PTPN14: variants seen among roughly 807,000 people sequenced by gnomAD.
PTPN14 encodes tyrosine-protein phosphatase non-receptor type 14.
PTPN14 carries 53 observed loss-of-function variants against 126.8 expected under a neutral mutation model. The observed-to-expected ratio is 0.42, with a 90% CI of 0.34 to 0.53. The LOEUF (loss-of-function observed/expected upper bound fraction) is 0.53, where lower values mean the gene tolerates loss of function less well. PTPN14 is among the 20% of genes least tolerant of loss of function. The pLI is 0.08. For synonymous variants in PTPN14, 630 were observed against 599.3 expected (o/e 1.05, Z -0.75); for missense variants, 1,257 against 1,552.9 (o/e 0.81, Z 3.20).
At chr1:214,424,965 GT>G (rs936669238) in intron 3 of PTPN14, among the ~76,000 whole-genome samples, 1 of 145,098 alleles carries the variant, frequency 6.9e-6, no homozygotes, top group Non-Finnish European at 1.5e-5. Flanking sequence ...ATCCATCTCT[GT>G]TTTTTTTTTA....
intron 1 of PTPN14, among the ~76,000 whole-genome samples, chr1:214,465,856 T>C (rs147065076): frequency 3.5e-4 from 44 of 124,492 alleles, no homozygotes; most frequent in African/African-American, 1.2e-3. Context: ...CTTATTAACA[T>C]TATTTACTTT....
rs1373205916 is a variant in PTPN14, at chr1:214,354,354, T to G, written c.*3568A>C. The G allele has an allele frequency of 6.6e-6, 1 of 152,238 alleles. No individual in the cohort carries two copies. The highest frequency in any genetic ancestry group is 1.5e-5 in the Non-Finnish European group (1 of 68,036). The allele number at this position is 152,238 out of a possible 1,614,324, so 9.4% of individuals were successfully genotyped here. ...TTATTGTTTAGCTCCGACTGAATAT[T>G]GCAGCTCATTCATCTTTACTCCTAT... On this transcript the variant is annotated 3_prime_UTR_variant, in exon 19 of 19. Transcript: ENST00000366956.
intron 1 of PTPN14, chr1:214,531,603 C>T (rs888712450): frequency 6.6e-6 from 1 of 151,880 alleles, no homozygotes; most frequent in Admixed American, 6.6e-5. Context: ...CTCGTATCTG[C>T]CCTGCAAGTC....
chr1:214,379,749 C>G (rs1846251), intron 13 of PTPN14, among the ~76,000 whole-genome samples: 48,890 of 152,158 alleles, frequency 0.32, 8,134 homozygotes, highest in African/African-American at 0.41. Context: ...GACGTGGAAG[C>G]CCCCTCCCTA....
At chr1:214,418,522 G>A (rs757356281) in intron 3 of PTPN14, among the ~76,000 whole-genome samples, 26 of 152,214 alleles carry the variant, frequency 1.7e-4, no homozygotes, top group Admixed American at 9.2e-4. Context: ...CAGGGATGAA[G>A]GCAGGATCTG....
chr1:214,402,812 T>C, intron 6 of PTPN14, 71 bp downstream of exon 6: 1 of 1,529,514 alleles, frequency 6.5e-7, no homozygotes, highest in South Asian at 1.1e-5. Context: ...GATAGGGAGA[T>C]GGATGCCTCC....
intron 1 of PTPN14, among the ~76,000 whole-genome samples, chr1:214,472,782 C>T (rs1660788316): frequency 1.3e-5 from 2 of 152,320 alleles, no homozygotes; most frequent in South Asian, 4.1e-4. Context: ...ATTCCCACCA[C>T]CCAAGTTTTC....
chr1:214,483,515 G>A, intron 1 of PTPN14: 1 of 660,182 alleles, frequency 1.5e-6, no homozygotes, highest in Non-Finnish European at 2.7e-6. Context: ...CTGTCTTGAA[G>A]TTTCTTCTTT....
intron 7 of PTPN14, among the ~76,000 whole-genome samples, chr1:214,399,179 G>A: frequency 6.6e-6 from 1 of 152,140 alleles, no homozygotes; most frequent in South Asian, 2.1e-4. Flanking sequence ...AAAACCCACA[G>A]GCATCACATC....
intron 1 of PTPN14, among the ~76,000 whole-genome samples, chr1:214,491,423 C>T (rs1661248946): frequency 6.6e-6 from 1 of 152,124 alleles, no homozygotes; most frequent in African/African-American, 2.4e-5. Context: ...TGAAGGAAGA[C>T]AATCCTTCCA....
chr1:214,454,256 A>C (rs1660334076), intron 2 of PTPN14, among the ~76,000 whole-genome samples: 1 of 152,204 alleles, frequency 6.6e-6, no homozygotes, highest in Non-Finnish European at 1.5e-5. Context: ...TCTTTCACTA[A>C]AAGTAGTTTT....
chr1:214,481,244 G>T (rs574143856), intron 1 of PTPN14, among the ~76,000 whole-genome samples: 5 of 152,136 alleles, frequency 3.3e-5, no homozygotes, highest in Admixed American at 6.5e-5. Flanking sequence ...AGTGGCTCAC[G>T]CCTATAATCC....
Position 214,486,684 on chromosome 1 carries a change from T to G in PTPN14, c.-154-21727A>C, listed in dbSNP as rs1661121098. 2.0e-5 allele frequency among the ~76,000 whole-genome samples: 3 copies of G among 152,204 alleles called. No homozygotes were observed. In the South Asian group the frequency reaches 6.2e-4, roughly 31 times the overall value. ...GAAATCAGGGTCTTGACCCAATGTA[T>G]GTGTTTGCTGGAGGCACACACCCAG... On this transcript the variant is annotated intron_variant, in intron 1 of 18. Coordinates refer to ENST00000366956, the MANE Select transcript of PTPN14 (RefSeq NM_005401.5).
chr1:214,481,632 AAG>A (rs1290419325), intron 1 of PTPN14, among the ~76,000 whole-genome samples: 1 of 152,022 alleles, frequency 6.6e-6, no homozygotes, highest in Non-Finnish European at 1.5e-5. Flanking sequence ...CAGTTTTCTC[AAG>A]AGTACTGCTG....
intron 1 of PTPN14, among the ~76,000 whole-genome samples, chr1:214,500,978 TGA>T (rs1654675618): frequency 6.6e-6 from 1 of 152,114 alleles, no homozygotes; most frequent in Non-Finnish European, 1.5e-5. Flanking sequence ...ACACTAACAA[TGA>T]AAAGATTCAC....
Position 214,458,334 on chromosome 1 carries a change from C to T in PTPN14, c.174+6296G>A, listed in dbSNP as rs189794458. Among the ~76,000 whole-genome samples the T allele has an allele frequency of 3.0e-3, 452 of 152,218 alleles. 2 individuals carry two copies. Among genetic ancestry groups the T allele is most frequent in the African/African-American group, 0.01 (430 of 41,516 alleles). On this transcript the variant is annotated intron_variant, in intron 2 of 18. Transcript: ENST00000366956. ...GTGTTAGGACTATAGTTGTGAGCTA[C>T]CAGGCCTGGCCCCAGTTTCTAATAA...
At chr1:214,506,066 T>A (rs936674996) in intron 1 of PTPN14, among the ~76,000 whole-genome samples, 5 of 152,164 alleles carry the variant, frequency 3.3e-5, no homozygotes, top group African/African-American at 1.2e-4. Flanking sequence ...GTGAGATTAC[T>A]ATGAAGAAGG....
At chr1:214,378,602 C>T (rs1658400826) in intron 13 of PTPN14, among the ~76,000 whole-genome samples, 1 of 152,212 alleles carries the variant, frequency 6.6e-6, no homozygotes. Context: ...CCTAAGTTTC[C>T]GTCCTGAGGG....
intron 11 of PTPN14, among the ~76,000 whole-genome samples, chr1:214,390,635 T>A (rs1306908024): frequency 2.0e-5 from 3 of 152,312 alleles, no homozygotes; most frequent in Admixed American, 2.0e-4. Flanking sequence ...ACAAAGGAAT[T>A]TGTGGAGCTC....
Sources: allele counts gnomAD v4.1 joint callset (sites outside exome capture counted in the v4.1 genomes callset), GRCh38; gene constraint gnomAD v4.1.1; transcripts MANE v1.5; gene names NCBI Gene and HGNC (gene_info 2026-07-23, HGNC 2026-07-21).